The following SPOCK3 variants were observed in gnomAD, a reference collection of about 807,000 sequenced individuals.
SPOCK3 encodes SPARC (osteonectin), cwcv and kazal like domains proteoglycan 3.
In SPOCK3, 30 loss-of-function variants were observed where a neutral mutation model predicts 56.6. The observed-to-expected ratio is 0.53, with a 90% CI of 0.40 to 0.72. The LOEUF (loss-of-function observed/expected upper bound fraction) is 0.72, where lower values mean the gene tolerates loss of function less well. SPOCK3 is among the 30% of genes least tolerant of loss of function. The probability of loss-of-function intolerance (pLI) is 0.00; values close to 1 mark genes in which losing one functional copy is unlikely to be tolerated. For synonymous variants in SPOCK3, 196 were observed against 183.3 expected, an observed-to-expected ratio of 1.07 and a Z score of -0.56; for missense variants, 527 against 530.0, an observed-to-expected ratio of 0.99 and a Z score of 0.06.
rs535655215 is a variant in SPOCK3 at position 166,937,679 on chromosome 4, T to C, written c.351-24936A>G. Among the ~76,000 whole-genome samples the C allele has an allele frequency of 2.0e-3, 306 of 150,056 alleles. 4 individuals carry two copies. Among genetic ancestry groups the C allele is most frequent in the African/African-American group, 7.1e-3 (291 of 41,270 alleles). On this transcript the variant is annotated intron_variant, in intron 4 of 10. Coordinates refer to ENST00000357545, the MANE Select transcript of SPOCK3 (RefSeq NM_001040159.2). The stretch of plus-strand genomic sequence containing the variant: ...TACAGCTGGAGAGATAATTGGAGTT[T>C]TGATTATTAGGTAAAGATGTTTCAA...
chr4:166,939,654 T>C (rs1216370750), intron 4 of SPOCK3, among the ~76,000 whole-genome samples: 1 of 152,184 alleles, frequency 6.6e-6, no homozygotes, highest in Non-Finnish European at 1.5e-5. Flanking sequence ...GTAGCACATA[T>C]AATACATAGT....
At chr4:166,841,233 A>T (rs1747265908) in intron 6 of SPOCK3, among the ~76,000 whole-genome samples, 1 of 152,200 alleles carries the variant, frequency 6.6e-6, no homozygotes, top group South Asian at 2.1e-4. Flanking sequence ...GAGCTGTGGC[A>T]ATTTAACTGA....
chr4:167,047,911 T>G (rs1178420845), intron 3 of SPOCK3, among the ~76,000 whole-genome samples: 1 of 152,068 alleles, frequency 6.6e-6, no homozygotes, highest in East Asian at 1.9e-4. Flanking sequence ...CCAGGTGTGG[T>G]GATGTCCACC....
intron 6 of SPOCK3, among the ~76,000 whole-genome samples, chr4:166,839,514 A>G (rs1048534095): frequency 1.3e-5 from 2 of 152,138 alleles, no homozygotes; most frequent in Non-Finnish European, 2.9e-5. Context: ...ACTAAGGCAG[A>G]CCATGGCCAG....
At chr4:167,031,156 C>T (rs1433112181) in intron 3 of SPOCK3, among the ~76,000 whole-genome samples, 2 of 151,796 alleles carry the variant, frequency 1.3e-5, no homozygotes, top group African/African-American at 4.8e-5. Flanking sequence ...TTAATAAAAA[C>T]CTGGTCTGAT....
At chr4:167,203,195 T>TA (rs1375894127) in intron 2 of SPOCK3, among the ~76,000 whole-genome samples, 4 of 152,014 alleles carry the variant, frequency 2.6e-5, no homozygotes, top group Admixed American at 1.3e-4. Context: ...TTATGAGTAG[T>TA]ATTACTACAG....
At chr4:166,892,463 GA>G (rs543015735) in intron 5 of SPOCK3, among the ~76,000 whole-genome samples, 173 of 151,746 alleles carry the variant, frequency 1.1e-3, no homozygotes, top group Non-Finnish European at 2.0e-3. Context: ...ATTAAAATTG[GA>G]AAAAAATTCC....
At chr4:167,001,770 A>T (rs752787843) in intron 3 of SPOCK3, among the ~76,000 whole-genome samples, 8 of 152,182 alleles carry the variant, frequency 5.3e-5, no homozygotes, top group Non-Finnish European at 1.2e-4. Context: ...AAAGAGAAAT[A>T]AAACCAGAAA....
intron 4 of SPOCK3, among the ~76,000 whole-genome samples, chr4:166,941,693 T>C (rs1741085339): frequency 6.6e-6 from 1 of 152,234 alleles, no homozygotes; most frequent in African/African-American, 2.4e-5. Context: ...ACAAGAAGAC[T>C]GTGGTTGCCC....
rs182132692 is a variant in SPOCK3, at chr4:166,767,303, C to T, written c.710-12574G>A. On this transcript the variant is annotated intron_variant, in intron 7 of 10. Transcript: ENST00000357545. ...GTTAGGGTGTCAATTTTAGCTCTTT[C>T]CTGCTTTCTCTTGTGGGCATTTAGT... 7.3e-3 allele frequency among the ~76,000 whole-genome samples: 1,101 copies of T among 151,448 alleles called. 48 individuals are homozygous for T. Among genetic ancestry groups the T allele is most frequent in the Admixed American group, 0.066 (1,000 of 15,150 alleles).
At chr4:166,781,859 C>T (rs143467959) in intron 7 of SPOCK3, among the ~76,000 whole-genome samples, 2,525 of 152,184 alleles carry the variant, frequency 0.017, 73 homozygotes, top group African/African-American at 0.056. Context: ...AGCGGCATGA[C>T]AGGGGTAACA....
At chr4:167,184,646 C>A (rs756950889) in intron 2 of SPOCK3, among the ~76,000 whole-genome samples, 1 of 152,156 alleles carries the variant, frequency 6.6e-6, no homozygotes, top group Non-Finnish European at 1.5e-5. Context: ...AAGACTGATT[C>A]TCTTAGCCAT....
intron 8 of SPOCK3, among the ~76,000 whole-genome samples, chr4:166,742,981 G>A (rs539475402): frequency 7.2e-5 from 11 of 152,172 alleles, no homozygotes; most frequent in East Asian, 5.8e-4. Flanking sequence ...GAGGATGTGC[G>A]TACGTTATAT....
intron 4 of SPOCK3, chr4:166,918,273 C>T (rs1403720515): frequency 6.6e-6 from 1 of 152,128 alleles, no homozygotes; most frequent in Non-Finnish European, 1.5e-5. Context: ...ACAATGAACA[C>T]TATTTACTTT....
chr4:166,794,470 G>A (rs1027178548), intron 6 of SPOCK3, among the ~76,000 whole-genome samples: 1 of 151,976 alleles, frequency 6.6e-6, no homozygotes, highest in Non-Finnish European at 1.5e-5. Flanking sequence ...AGTGGTGTGA[G>A]AGAGTTTTAT....
chr4:167,198,894 T>C (rs562857229), intron 2 of SPOCK3, among the ~76,000 whole-genome samples: 1 of 152,246 alleles, frequency 6.6e-6, no homozygotes, highest in African/African-American at 2.4e-5. Context: ...AATATATGAT[T>C]CTTAAGTTTA....
chr4:167,196,307 G>T (rs927581279), intron 2 of SPOCK3, among the ~76,000 whole-genome samples: 1 of 152,030 alleles, frequency 6.6e-6, no homozygotes, highest in Non-Finnish European at 1.5e-5. Flanking sequence ...ACACAGAACT[G>T]CCAACATTAA....
intron 6 of SPOCK3, among the ~76,000 whole-genome samples, chr4:166,795,687 TA>T (rs2126668960): frequency 6.6e-6 from 1 of 151,986 alleles, no homozygotes; most frequent in Admixed American, 6.5e-5. Flanking sequence ...ATTTTATAAC[TA>T]ATAAATGAAG....
At chr4:167,117,251 G>A (rs1037237737) in intron 2 of SPOCK3, among the ~76,000 whole-genome samples, 1 of 152,042 alleles carries the variant, frequency 6.6e-6, no homozygotes, top group African/African-American at 2.4e-5. Context: ...AGGAACATCA[G>A]CACAATATGT....
Sources: allele counts gnomAD v4.1 joint callset (sites outside exome capture counted in the v4.1 genomes callset), GRCh38; gene constraint gnomAD v4.1.1; transcripts MANE v1.5; gene names NCBI Gene and HGNC (gene_info 2026-07-23, HGNC 2026-07-21).